The following AKAP6 variants were observed in gnomAD, a reference collection of about 807,000 sequenced individuals.
AKAP6 encodes the protein A-kinase anchor protein 6.
AKAP6 carries 58 observed loss-of-function variants against 188.5 expected under a neutral mutation model. The ratio of observed to expected loss-of-function variants is 0.31; its 90% CI spans 0.25 to 0.38. The LOEUF (loss-of-function observed/expected upper bound fraction) is 0.38, where lower values mean the gene tolerates loss of function less well. Ranked by LOEUF, AKAP6 falls within the 10% of genes least tolerant of loss-of-function variation. The pLI, the probability that AKAP6 is intolerant of heterozygous loss-of-function variation, is 1.00. For synonymous variants in AKAP6, 989 were observed against 998.6 expected, an observed-to-expected ratio of 0.99 and a Z score of 0.18; for missense variants, 2,710 against 2,740.0, an observed-to-expected ratio of 0.99 and a Z score of 0.24.
intron 2 of AKAP6, among the ~76,000 whole-genome samples, chr14:32,485,234 C>G (rs1404058241): frequency 6.7e-6 from 1 of 149,610 alleles, no homozygotes; most frequent in African/African-American, 2.5e-5. Context: ...TGAGTTGGTT[C>G]CAAGTCTTTG....
intron 2 of AKAP6, among the ~76,000 whole-genome samples, chr14:32,520,370 G>A (rs1457216394): frequency 2.0e-5 from 3 of 152,100 alleles, no homozygotes; most frequent in Non-Finnish European, 4.4e-5. Context: ...AGGAGATAGA[G>A]ACACAAAAAA....
intron 1 of AKAP6, among the ~76,000 whole-genome samples, chr14:32,351,571 A>AC (rs1555320081): frequency 2.0e-5 from 3 of 149,576 alleles, no homozygotes; most frequent in Admixed American, 1.3e-4. Flanking sequence ...TCAAAAAAAA[A>AC]AAAAACAAAA....
chr14:32,337,390 C>T (rs1886739782), intron 1 of AKAP6, among the ~76,000 whole-genome samples: 2 of 152,048 alleles, frequency 1.3e-5, no homozygotes, highest in Admixed American at 1.3e-4. Flanking sequence ...GAACACCTGC[C>T]TCAGAAGGGC....
intron 11 of AKAP6, among the ~76,000 whole-genome samples, chr14:32,765,818 G>A (rs2032700636): frequency 6.6e-6 from 1 of 151,908 alleles, no homozygotes; most frequent in Non-Finnish European, 1.5e-5. Context: ...ATTAGCATCT[G>A]TTGTATGACA....
At chr14:32,596,448 G>A (rs1178462287) in intron 5 of AKAP6, among the ~76,000 whole-genome samples, 1 of 152,146 alleles carries the variant, frequency 6.6e-6, no homozygotes, top group Admixed American at 6.5e-5. Flanking sequence ...ATGCCCATTG[G>A]TGAATCTTTG....
At chr14:32,462,726 A>G (rs545398684) in intron 2 of AKAP6, among the ~76,000 whole-genome samples, 4 of 152,178 alleles carry the variant, frequency 2.6e-5, no homozygotes, top group Non-Finnish European at 5.9e-5. Context: ...ACACATAACA[A>G]TATTTACCTT....
intron 7 of AKAP6, among the ~76,000 whole-genome samples, chr14:32,665,677 A>G (rs1043395374): frequency 2.6e-5 from 4 of 152,146 alleles, no homozygotes; most frequent in East Asian, 1.9e-4. Flanking sequence ...GCAGGCGAAC[A>G]TTAGAGTCCT....
At chr14:32,672,495 T>C (rs1889251541) in intron 7 of AKAP6, among the ~76,000 whole-genome samples, 1 of 152,200 alleles carries the variant, frequency 6.6e-6, no homozygotes, top group Non-Finnish European at 1.5e-5. Context: ...TGTGTTCTCA[T>C]ATGGCTGTTC....
intron 12 of AKAP6, among the ~76,000 whole-genome samples, chr14:32,804,653 A>G (rs984016248): frequency 6.6e-6 from 1 of 152,142 alleles, no homozygotes; most frequent in Non-Finnish European, 1.5e-5. Flanking sequence ...AGAGCAGAGA[A>G]CCGGTCTGAC....
chr14:32,814,858 A>G (rs1405583740), intron 12 of AKAP6, among the ~76,000 whole-genome samples: 1 of 152,168 alleles, frequency 6.6e-6, no homozygotes, highest in East Asian at 1.9e-4. Flanking sequence ...CCTTACGAGT[A>G]GCTGGGACTA....
intron 11 of AKAP6, among the ~76,000 whole-genome samples, chr14:32,741,042 T>A (rs2031651008): frequency 6.6e-6 from 1 of 151,178 alleles, no homozygotes; most frequent in Admixed American, 6.6e-5. Context: ...GTGTGTGTTC[T>A]CTTCAATTTC....
At chr14:32,387,155 G>A (rs180811518) in intron 1 of AKAP6, among the ~76,000 whole-genome samples, 17 of 152,142 alleles carry the variant, frequency 1.1e-4, no homozygotes, top group Non-Finnish European at 1.8e-4. Flanking sequence ...TCTGAAAACT[G>A]TGCTGAATTA....
At chr14:32,343,746 C>CAAAAA (rs56376110) in intron 1 of AKAP6, among the ~76,000 whole-genome samples, 17 of 37,260 alleles carry the variant, frequency 4.6e-4, no homozygotes, top group South Asian at 1.7e-3. Context: ...GATTCCGTCT[C>CAAAAA]AAAAAAAAAA....
At chr14:32,357,305 G>A (rs1386690755) in intron 1 of AKAP6, among the ~76,000 whole-genome samples, 1 of 152,162 alleles carries the variant, frequency 6.6e-6, no homozygotes, top group Non-Finnish European at 1.5e-5. Flanking sequence ...AAACTAGGTC[G>A]AGGAACTGTT....
chr14:32,435,102 A>C (rs1205059716), intron 2 of AKAP6, among the ~76,000 whole-genome samples: 3 of 152,336 alleles, frequency 2.0e-5, no homozygotes, highest in Admixed American at 6.5e-5. Context: ...GTATAATCAG[A>C]ATAGCAGGTC....
At chr14:32,660,924 A>ACC (rs1240351554) in intron 7 of AKAP6, among the ~76,000 whole-genome samples, 84 of 41,070 alleles carry the variant, frequency 2.0e-3, no homozygotes, top group East Asian at 4.7e-3. Flanking sequence ...CTTCCCCGCC[A>ACC]CCCCCCCCCC....
At chr14:32,531,684 T>C (rs1399286698) in intron 2 of AKAP6, among the ~76,000 whole-genome samples, 1 of 152,232 alleles carries the variant, frequency 6.6e-6, no homozygotes, top group African/African-American at 2.4e-5. Context: ...TCATCTATTG[T>C]CTATCATTAT....
Position 32,833,610 on chromosome 14 carries a change from G to C in AKAP6, c.*3805G>C, listed in dbSNP as rs2140177380. ...GTTGTGTTTGGTTCATCCGGACTAG[G>C]TTTCACCCATTCTATAATTCCTAGA... is the stretch of plus-strand genomic sequence containing the variant. On this transcript the variant is annotated 3_prime_UTR_variant, in exon 14 of 14. Coordinates refer to ENST00000280979, the MANE Select transcript of AKAP6 (RefSeq NM_004274.5). The C allele has an allele frequency of 6.6e-6, 1 of 152,196 alleles. No homozygotes were observed. Among genetic ancestry groups the C allele is most frequent in the South Asian group, 2.1e-4 (1 of 4,824 alleles). 9.4% of individuals were successfully genotyped at this position (152,196 alleles called of 1,614,324 possible).
chr14:32,828,517 TCTCTCTCTCTCTCACACACACACACA>T (rs1409689712), intron 13 of AKAP6, among the ~76,000 whole-genome samples: 795 of 49,428 alleles, frequency 0.016, 7 homozygotes, highest in Non-Finnish European at 0.03. Context: ...TCTCTCTCTC[TCTCTCTCTCTCTCACACACACACACA>T]CACACACACA....
Sources: gnomAD v4.1 joint callset for allele counts (sites outside exome capture counted in the v4.1 genomes callset) on GRCh38, gnomAD v4.1.1 for gene constraint, MANE v1.5 for transcripts, NCBI Gene and HGNC (gene_info 2026-07-23, HGNC 2026-07-21) for gene names.